TMEM108: variants seen among roughly 807,000 people sequenced by gnomAD.
The protein encoded by TMEM108 is transmembrane protein 108.
In TMEM108, 12 loss-of-function variants were observed where a neutral mutation model predicts 35.1. The observed-to-expected ratio is 0.34, with a 90% confidence interval of 0.22 to 0.55. TMEM108 has a LOEUF of 0.55. Ranked by LOEUF, TMEM108 falls within the 20% of genes least tolerant of loss-of-function variation. The pLI is 0.89. For missense variants in TMEM108, 680 were observed against 753.3 expected, an observed-to-expected ratio of 0.90 and a Z score of 1.14; for synonymous variants, 287 against 308.6, an observed-to-expected ratio of 0.93 and a Z score of 0.73.
chr3:133,233,112 C>T (rs1244823098), intron 3 of TMEM108, among the ~76,000 whole-genome samples: 1 of 148,286 alleles, frequency 6.7e-6, no homozygotes, highest in Non-Finnish European at 1.5e-5. Context: ...CATATGTATA[C>T]ATGTGCCATG....
At chr3:133,097,267 T>C (rs766986453) in intron 2 of TMEM108, among the ~76,000 whole-genome samples, 13 of 152,232 alleles carry the variant, frequency 8.5e-5, no homozygotes, top group Non-Finnish European at 1.9e-4. Context: ...GTTAATGAAT[T>C]TCAAGTATAC....
At chr3:133,227,669 G>C (rs987007335) in intron 2 of TMEM108, among the ~76,000 whole-genome samples, 1 of 151,558 alleles carries the variant, frequency 6.6e-6, no homozygotes, top group African/African-American at 2.4e-5. Flanking sequence ...GGCTGAGATG[G>C]GCAGATCATG....
chr3:133,144,209 G>A (rs140605895), intron 2 of TMEM108, among the ~76,000 whole-genome samples: 7,547 of 152,144 alleles, frequency 0.05, 363 homozygotes, highest in Admixed American at 0.15. Flanking sequence ...ACTTATGAGT[G>A]AGAACATGCG....
At chr3:133,229,548 A>G (rs867365919) in intron 3 of TMEM108, among the ~76,000 whole-genome samples, 197 bp downstream of exon 3, 1 of 152,234 alleles carries the variant, frequency 6.6e-6, no homozygotes, top group South Asian at 2.1e-4. Flanking sequence ...AATGCTGGTC[A>G]GTTTTTCCTA....
chr3:133,341,859 T>C (rs1255771358), intron 3 of TMEM108, among the ~76,000 whole-genome samples: 2 of 151,790 alleles, frequency 1.3e-5, no homozygotes, highest in African/African-American at 4.8e-5. Context: ...ACCCCCATCT[T>C]TCACCATATT....
intron 3 of TMEM108, among the ~76,000 whole-genome samples, chr3:133,319,425 C>T (rs890473307): frequency 6.6e-6 from 1 of 152,218 alleles, no homozygotes; most frequent in Non-Finnish European, 1.5e-5. Context: ...GGCCAACCAA[C>T]TCAGGACATT....
chr3:133,116,184 C>T (rs1182434401), intron 2 of TMEM108, among the ~76,000 whole-genome samples: 2 of 152,154 alleles, frequency 1.3e-5, no homozygotes, highest in Admixed American at 6.5e-5. Context: ...GTAAATTGCT[C>T]ATTTCTCTGG....
chr3:133,214,526 C>T (rs1184324729), intron 2 of TMEM108, among the ~76,000 whole-genome samples: 6 of 152,070 alleles, frequency 3.9e-5, no homozygotes, highest in African/African-American at 7.2e-5. Flanking sequence ...CCTAGGGAGA[C>T]GGAAATCTCA....
At chr3:133,258,218 A>G (rs967517994) in intron 3 of TMEM108, among the ~76,000 whole-genome samples, 2 of 152,350 alleles carry the variant, frequency 1.3e-5, no homozygotes, top group Middle Eastern at 3.4e-3. Context: ...GGTATGGTCT[A>G]TGAACCAGCC....
In TMEM108 at chr3:133,310,530, C is replaced by CTTTTTTTT. The variant is rs59215786; in HGVS notation, c.41-69200_41-69193dup. On this transcript the variant is annotated intron_variant, in intron 3 of 5. Coordinates refer to ENST00000321871, the MANE Select transcript of TMEM108 (RefSeq NM_023943.4). Reference sequence around the variant, plus strand: ...TCAGAGACTAGGATTGCAACCCCTGCTTTTTTTTTTTTTTTTTTTTTTTTT... The same window carrying CTTTTTTTT: ...TCAGAGACTAGGATTGCAACCCCTGCTTTTTTTTTTTTTTTTTTTTTTTTTTTTTTTTT... Among the ~76,000 whole-genome samples, 32 of 22,250 alleles carry CTTTTTTTT rather than the reference C, an allele frequency of 1.4e-3. 9 individuals carry two copies. Among genetic ancestry groups the CTTTTTTTT allele is most frequent in the East Asian group, 5.0e-3 (2 of 398 alleles). The allele number at this position is 22,250 out of a possible 152,430, so 14.6% of individuals were successfully genotyped here.
chr3:133,185,312 C>T (rs62280328), intron 2 of TMEM108, among the ~76,000 whole-genome samples: 9,999 of 152,092 alleles, frequency 0.066, 430 homozygotes, highest in Non-Finnish European at 0.098. Flanking sequence ...TAATTGGGGT[C>T]CAAGCTAGAA....
chr3:133,309,693 T>C (rs1409529989), intron 3 of TMEM108, among the ~76,000 whole-genome samples: 2 of 79,010 alleles, frequency 2.5e-5, no homozygotes, highest in African/African-American at 8.4e-5. Flanking sequence ...TTTTTTTTTT[T>C]TTTTTTTTTT....
intron 2 of TMEM108, among the ~76,000 whole-genome samples, chr3:133,154,053 A>AT (rs1944840857): frequency 1.3e-5 from 2 of 151,974 alleles, no homozygotes; most frequent in Non-Finnish European, 1.5e-5. Flanking sequence ...TTAAAAAAAA[A>AT]TTTTCATGTG....
At chr3:133,041,342 G>A (rs563577430) in intron 1 of TMEM108, among the ~76,000 whole-genome samples, 1 of 152,146 alleles carries the variant, frequency 6.6e-6, no homozygotes, top group East Asian at 1.9e-4. Flanking sequence ...AATCTAGGCT[G>A]CCGTTCCTTC....
chr3:133,307,721 A>C (rs1400710525), intron 3 of TMEM108, among the ~76,000 whole-genome samples: 2 of 152,034 alleles, frequency 1.3e-5, no homozygotes, highest in Non-Finnish European at 2.9e-5. Flanking sequence ...GTTCTGTTCC[A>C]TCGGTCTGTA....
At chr3:133,277,068 A>G (rs67100501) in intron 3 of TMEM108, among the ~76,000 whole-genome samples, 22,180 of 152,122 alleles carry the variant, frequency 0.15, 1,708 homozygotes, top group South Asian at 0.22. Context: ...AGATCAAAGG[A>G]GACTAAAAGG....
intron 2 of TMEM108, among the ~76,000 whole-genome samples, chr3:133,077,459 G>GGAACACCCAT (rs1237835757): frequency 6.6e-6 from 1 of 152,090 alleles, no homozygotes; most frequent in African/African-American, 2.4e-5. Flanking sequence ...AGAGCACCCT[G>GGAACACCCAT]GAACACCCAT....
intron 3 of TMEM108, among the ~76,000 whole-genome samples, chr3:133,359,436 T>G (rs1485873026): frequency 6.6e-6 from 1 of 152,170 alleles, no homozygotes; most frequent in Non-Finnish European, 1.5e-5. Flanking sequence ...AAATGGCTCT[T>G]TAACAATAGC....
intron 2 of TMEM108, among the ~76,000 whole-genome samples, chr3:133,155,385 G>A (rs1379544251): frequency 6.6e-6 from 1 of 152,130 alleles, no homozygotes; most frequent in African/African-American, 2.4e-5. Flanking sequence ...CCAGTAGTGG[G>A]ATTGCTGGGT....
Sources: gnomAD v4.1 joint callset for allele counts (sites outside exome capture counted in the v4.1 genomes callset) on GRCh38, gnomAD v4.1.1 for gene constraint, MANE v1.5 for transcripts, NCBI Gene and HGNC (gene_info 2026-07-23, HGNC 2026-07-21) for gene names.